The following LAMA5 variants were observed in gnomAD, a reference collection of about 807,000 sequenced individuals.
LAMA5 encodes laminin subunit alpha 5, also known as laminin subunit alpha-5.
LAMA5 carries 260 observed loss-of-function variants against 433.4 expected under a neutral mutation model. The observed-to-expected ratio is 0.60, with a 90% CI of 0.54 to 0.66. The LOEUF is 0.66. Ranked by LOEUF, LAMA5 falls within the 30% of genes least tolerant of loss-of-function variation. The probability of loss-of-function intolerance (pLI) is 0.00; values close to 1 mark genes in which losing one functional copy is unlikely to be tolerated. For synonymous variants in LAMA5, 2,620 were observed against 2,226.6 expected (o/e 1.18, Z -4.97); for missense variants, 5,378 against 5,258.5 (o/e 1.02, Z -0.70).
chr20:62,315,349 T>A, intron 58 of LAMA5, 142 bp from the exon 59 acceptor site: 1 of 712,244 alleles, frequency 1.4e-6, no homozygotes. Flanking sequence ...CGCTGCTCAG[T>A]GCAATCCAAA....
chr20:62,320,116 C>G (rs1987513321), intron 50 of LAMA5, among the ~76,000 whole-genome samples: 1 of 151,916 alleles, frequency 6.6e-6, no homozygotes, highest in Non-Finnish European at 1.5e-5. Flanking sequence ...GTCAGGAGTT[C>G]AAGACCAGCC....
chr20:62,312,425 C>A lies in LAMA5; in HGVS notation c.9335G>T (p.Ser3112Ile), dbSNP rs1986391745. 2 of 1,597,810 alleles carry A rather than the reference C, an allele frequency of 1.3e-6. No homozygotes were observed. Among genetic ancestry groups the A allele is most frequent in the South Asian group, 2.2e-5 (2 of 90,908 alleles). Residue 3112 changes from serine (S) to isoleucine (I), a missense_variant, in exon 68 of 80, where the codon AGC becomes ATC. Ser to Ile is a moderately radical substitution (Grantham distance 142). Coordinates refer to ENST00000252999, the MANE Select transcript of LAMA5 (RefSeq NM_005560.6). Reference sequence around the variant, plus strand: ...CAGCAGGTCGGCGGTGCAGCCGGCGCTCACGCCTGTCGTGTTCAGCCGCTT... The same window carrying A: ...CAGCAGGTCGGCGGTGCAGCCGGCGATCACGCCTGTCGTGTTCAGCCGCTT... ...DLKRLNTTGV[S>I]AGCTADLLVG...
At position 62,329,178 on chromosome 20, in the gene LAMA5, C is replaced by T. The variant is rs1412610215; in HGVS notation, c.4195G>A (p.Asp1399Asn). 4 of 1,612,794 alleles carry T rather than the reference C, an allele frequency of 2.5e-6. No homozygotes were observed. In the African/African-American group the frequency reaches 5.3e-5, roughly 22 times the overall value. Residue 1399 changes from aspartate to asparagine, a missense_variant, in exon 33 of 80, where the codon GAC (aspartate) becomes AAC (asparagine). Asp to Asn is a conservative substitution (Grantham distance 23). Coordinates refer to ENST00000252999, the MANE Select transcript of LAMA5 (RefSeq NM_005560.6). ...LREEPLDKSY[D>N]FISHCAAQGY... ...TGGGCTGCGCAGTGGCTGATGAAGT[C>T]ATAGGATTTATCCAGGGGCTCCTCC... is the stretch of plus-strand genomic sequence containing the variant.
chr20:62,345,597 G>C (rs1241744758), intron 11 of LAMA5: 1 of 668,480 alleles, frequency 1.5e-6, no homozygotes, highest in Non-Finnish European at 2.7e-6. Context: ...TGTAGAGACA[G>C]GGTTTTACCA....
chr20:62,321,996 G>A, intron 48 of LAMA5, 23 bp downstream of exon 48: 1 of 1,594,326 alleles, frequency 6.3e-7, no homozygotes, highest in Non-Finnish European at 8.5e-7. Flanking sequence ...CAGGTGTGGG[G>A]AAGTGGGGTG....
Position 62,333,902 on chromosome 20 carries a change from G to A in LAMA5, c.2877C>T (p.Asn959=). The A allele has an allele frequency of 1.3e-6, 2 of 1,590,234 alleles. No homozygotes were observed. Residue 959 remains asparagine, a splice_region_variant and synonymous_variant, in exon 23 of 80, where the codon AAC becomes AAT. Transcript: ENST00000252999. ...REEGRSATCA[N]CTAQSQPVAF... ...CTGTGGCCCAGGGACCCCACTCACAGTTGGCGCAGGTGGCCGACCTGCCCT... is the reference window on the plus strand; with the variant it reads ...CTGTGGCCCAGGGACCCCACTCACAATTGGCGCAGGTGGCCGACCTGCCCT...
intron 2 of LAMA5, among the ~76,000 whole-genome samples, chr20:62,354,933 C>CT (rs1348227590): frequency 3.9e-5 from 6 of 152,324 alleles, no homozygotes; most frequent in Non-Finnish European, 8.8e-5. Context: ...ACACGAACCT[C>CT]TCCCCCGCCT....
At chr20:62,316,415 C>A (rs1056246810) in intron 57 of LAMA5, 1 of 529,246 alleles carries the variant, frequency 1.9e-6, no homozygotes, top group Admixed American at 3.4e-5. Flanking sequence ...TATCTCTTGC[C>A]CTGTGCCCTG....
chr20:62,323,243 TCGC>T (rs1601323224), intron 45 of LAMA5, among the ~76,000 whole-genome samples: 6 of 113,454 alleles, frequency 5.3e-5, no homozygotes, highest in South Asian at 5.3e-4. Context: ...AGGGGCCTGA[TCGC>T]TGGGGCGGGA....
intron 1 of LAMA5, among the ~76,000 whole-genome samples, chr20:62,366,509 T>C (rs1205464510): frequency 6.6e-6 from 1 of 152,088 alleles, no homozygotes; most frequent in Non-Finnish European, 1.5e-5. Flanking sequence ...AGTGGGAGCC[T>C]CAGGTGGCTG....
chr20:62,346,818 C>T lies in LAMA5; in HGVS notation c.1073-18G>A, dbSNP rs758964379. 1 of 1,609,582 alleles carries T rather than the reference C, an allele frequency of 6.2e-7. No homozygotes were observed. The highest frequency in any genetic ancestry group is 8.5e-7 in the Non-Finnish European group (1 of 1,177,428). The stretch of plus-strand genomic sequence containing the variant: ...GTTACAGGCTAGAGAGAGGGGAGCG[C>T]AGCTGTTGGCACGCCCTCCACAGGC... On this transcript the variant is annotated intron_variant, in intron 7 of 79. Transcript: ENST00000252999.
At position 62,327,305 on chromosome 20, in the gene LAMA5, G is replaced by T. The variant is rs772353481; in HGVS notation, c.5040C>A (p.His1680Gln). The part of the protein sequence containing the change: ...GTEMLRADLR[H>Q]VPEAVPEAFP... Reference sequence around the variant, plus strand: ...AAGCCTCGGGCACAGCCTCAGGCACGTGCCGCAGGTCTGCACGGAGCATCT... The same window carrying T: ...AAGCCTCGGGCACAGCCTCAGGCACTTGCCGCAGGTCTGCACGGAGCATCT... The change falls in exon 38 of 80, where the codon CAC becomes CAA. Residue 1680 changes from histidine to glutamine, a missense_variant. Transcript: ENST00000252999. 1 of 1,592,046 alleles carries T rather than the reference G, an allele frequency of 6.3e-7. No individual in the cohort carries two copies. The highest frequency in any genetic ancestry group is 1.1e-5 in the South Asian group (1 of 88,468).
intron 62 of LAMA5, 34 bp from the exon 63 acceptor site, chr20:62,313,836 CGGAG>C (rs1986598581): frequency 6.3e-7 from 1 of 1,581,318 alleles, no homozygotes; most frequent in African/African-American, 1.5e-5. Flanking sequence ...CGAGTGGGCA[CGGAG>C]AGATGAGGGG....
rs1017017950 is a variant in LAMA5 at position 62,330,013 on chromosome 20, G to A, written c.3980-97C>T. 3.7e-5 allele frequency: 54 copies of A among 1,473,062 alleles called. 2 individuals carry two copies. The Admixed American group carries it at 1.2e-3, about 33-fold the overall frequency. 91.2% of individuals were successfully genotyped at this position (1,473,062 alleles called of 1,614,324 possible). A position where few individuals can be genotyped will look rare whatever the true frequency, so the allele number is the denominator to read the frequency against. ...GGCAGCGTTGGGGCAGCCAAGGAGT[G>A]CCCGCTGGCCAACGGCCACAGGCAC... On this transcript the variant is annotated intron_variant, in intron 31 of 79. Coordinates refer to ENST00000252999, the MANE Select transcript of LAMA5 (RefSeq NM_005560.6).
chr20:62,337,340 A>G (rs570585543), intron 16 of LAMA5, among the ~76,000 whole-genome samples: 1 of 152,330 alleles, frequency 6.6e-6, no homozygotes, highest in South Asian at 2.1e-4. Flanking sequence ...ACCCGTACAC[A>G]CACAGAACGC....
intron 48 of LAMA5, among the ~76,000 whole-genome samples, chr20:62,321,686 T>C (rs1001863866): frequency 3.3e-5 from 1 of 30,428 alleles, no homozygotes; most frequent in Non-Finnish European, 6.2e-5. Context: ...AGTGGAGGGG[T>C]GGGGTCAGTG....
In LAMA5 at chr20:62,314,591, G is replaced by A. The variant is rs764520272; in HGVS notation, c.8331C>T (p.Thr2777=). 28 of 1,611,840 alleles carry A rather than the reference G, an allele frequency of 1.7e-5. No individual in the cohort carries two copies. In the East Asian group the frequency reaches 3.1e-4, roughly 18 times the overall value. Residue 2777 remains threonine (T), a synonymous_variant, in exon 61 of 80, where the codon ACC becomes ACT. Coordinates refer to ENST00000252999, the MANE Select transcript of LAMA5 (RefSeq NM_005560.6). ...QGPEPEPGQG[T]EDRFVMYMGS... ...CCATGTACATCACAAAGCGATCCTCGGTACCCTGCCCAGGCTCAGGCTCTG... is the reference window on the plus strand; with the variant it reads ...CCATGTACATCACAAAGCGATCCTCAGTACCCTGCCCAGGCTCAGGCTCTG...
At chr20:62,316,432 A>G in intron 57 of LAMA5, 1 of 520,106 alleles carries the variant, frequency 1.9e-6, no homozygotes, top group South Asian at 3.0e-5. Context: ...CCTGTGGCTC[A>G]GCTGGTGCCT....
In LAMA5 at chr20:62,309,570, C is replaced by CT; in HGVS notation, c.10949-96dup. Reference sequence around the variant, plus strand: ...CGTCAGTGCCCCACCCAGCCCCTGTCTCATTCCACATCATAGGAGGGTGGT... The same window carrying CT: ...CGTCAGTGCCCCACCCAGCCCCTGTCTTCATTCCACATCATAGGAGGGTGGT... On this transcript the variant is annotated intron_variant, in intron 79 of 79. Transcript: ENST00000252999. 5.5e-6 allele frequency: 4 copies of CT among 729,938 alleles called. No homozygotes were observed. The South Asian group carries it at 9.6e-5, about 18-fold the overall frequency. 45.2% of individuals were successfully genotyped at this position (729,938 alleles called of 1,614,324 possible).
Sources: allele counts gnomAD v4.1 joint callset (sites outside exome capture counted in the v4.1 genomes callset), GRCh38; gene constraint gnomAD v4.1.1; transcripts MANE v1.5; gene names NCBI Gene and HGNC (gene_info 2026-07-23, HGNC 2026-07-21).